The following SYT14 variants were observed in gnomAD, a reference collection of about 807,000 sequenced individuals.
SYT14 encodes the protein synaptotagmin 14.
In SYT14, 32 loss-of-function variants were observed where a neutral mutation model predicts 74.2. That is an observed-to-expected ratio of 0.43 (90% CI 0.33 to 0.58). The LOEUF is 0.58. Ranked by LOEUF, SYT14 falls within the 20% of genes least tolerant of loss-of-function variation. The probability of loss-of-function intolerance (pLI) is 0.05; values close to 1 mark genes in which losing one functional copy is unlikely to be tolerated. For missense variants in SYT14, 791 were observed against 981.8 expected, an observed-to-expected ratio of 0.81 and a Z score of 2.60; for synonymous variants, 298 against 337.7, an observed-to-expected ratio of 0.88 and a Z score of 1.29.
intron 7 of SYT14, among the ~76,000 whole-genome samples, chr1:210,119,875 G>C (rs1222508800): frequency 3.9e-5 from 6 of 152,206 alleles, no homozygotes; most frequent in African/African-American, 1.4e-4. Flanking sequence ...AGGTTGTGAA[G>C]ATTAAATGAG....
chr1:210,116,123 A>G (rs552832613), intron 7 of SYT14, among the ~76,000 whole-genome samples: 3,099 of 151,798 alleles, frequency 0.02, 101 homozygotes, highest in African/African-American at 0.071. Context: ...GGCAGGAACC[A>G]GCCATTTTCA....
At chr1:210,056,398 TA>T (rs958168760) in intron 5 of SYT14, among the ~76,000 whole-genome samples, 18 of 152,112 alleles carry the variant, frequency 1.2e-4, no homozygotes, top group African/African-American at 4.3e-4. Flanking sequence ...GGGTTTGTTC[TA>T]GGAGTAAGAT....
At chr1:209,963,259 GC>G (rs2079104758) in intron 2 of SYT14, among the ~76,000 whole-genome samples, 1 of 152,082 alleles carries the variant, frequency 6.6e-6, no homozygotes, top group South Asian at 2.1e-4. Context: ...GAGATGGATT[GC>G]TGAGATGGTC....
At chr1:210,038,592 G>A (rs1265981227) in intron 5 of SYT14, among the ~76,000 whole-genome samples, 5 of 152,174 alleles carry the variant, frequency 3.3e-5, no homozygotes, top group Admixed American at 6.5e-5. Flanking sequence ...ATTCCCTGGA[G>A]TATTTCTTAT....
chr1:210,162,306 A>T (rs2083388897), exon 10 of SYT14: 1 of 444,052 alleles, frequency 2.3e-6, no homozygotes, highest in Non-Finnish European at 4.5e-6. Context: ...TTCGATTTTT[A>T]TAAATGTAAA....
At chr1:210,084,261 A>G (rs573272289) in intron 5 of SYT14, among the ~76,000 whole-genome samples, 1 of 152,342 alleles carries the variant, frequency 6.6e-6, no homozygotes, top group South Asian at 2.1e-4. Flanking sequence ...ATATTAAAAT[A>G]TAGAATGTGC....
chr1:210,072,134 T>G (rs1572250137), intron 5 of SYT14, among the ~76,000 whole-genome samples: 1 of 112,118 alleles, frequency 8.9e-6, no homozygotes, highest in Admixed American at 7.7e-5. Flanking sequence ...TAATTAAAGA[T>G]ATATATATAT....
At chr1:210,028,718 A>C (rs2080465806) in intron 5 of SYT14, among the ~76,000 whole-genome samples, 1 of 152,210 alleles carries the variant, frequency 6.6e-6, no homozygotes, top group Non-Finnish European at 1.5e-5. Flanking sequence ...GTTGTGAATA[A>C]TGCTGCTATG....
intron 5 of SYT14, among the ~76,000 whole-genome samples, chr1:210,035,231 A>C (rs1572191302): frequency 6.6e-6 from 1 of 151,790 alleles, no homozygotes; most frequent in East Asian, 1.9e-4. Context: ...ATGTGTATTC[A>C]TTTCCTTTGC....
At chr1:210,013,603 G>A (rs751339346) in intron 2 of SYT14, 30 bp from the exon 3 acceptor site, 2 of 1,601,818 alleles carry the variant, frequency 1.2e-6, no homozygotes, top group Middle Eastern at 3.9e-4. Context: ...AAAAATAAAT[G>A]CTTACAGCTG....
chr1:210,089,204 T>A (rs1300352502), intron 5 of SYT14, among the ~76,000 whole-genome samples: 2 of 152,228 alleles, frequency 1.3e-5, no homozygotes, highest in Non-Finnish European at 2.9e-5. Flanking sequence ...GCAAAGGACA[T>A]GAACTCATCC....
chr1:210,052,422 G>A (rs2081014403), intron 5 of SYT14, among the ~76,000 whole-genome samples: 2 of 152,022 alleles, frequency 1.3e-5, no homozygotes, highest in Admixed American at 6.6e-5. Context: ...CAGCACCCTG[G>A]GAGGCCGAGG....
At chr1:210,012,603 A>C (rs1486903726) in intron 2 of SYT14, among the ~76,000 whole-genome samples, 6 of 152,336 alleles carry the variant, frequency 3.9e-5, no homozygotes, top group Admixed American at 3.9e-4. Context: ...TTACTAAGAA[A>C]GAGTGATTGA....
intron 5 of SYT14, among the ~76,000 whole-genome samples, chr1:210,082,519 C>T (rs951005519): frequency 6.6e-6 from 1 of 152,092 alleles, no homozygotes; most frequent in African/African-American, 2.4e-5. Flanking sequence ...TGATGTATTC[C>T]CCGTGAGACT....
At chr1:209,989,933 A>G (rs1335497578) in intron 2 of SYT14, among the ~76,000 whole-genome samples, 1 of 152,130 alleles carries the variant, frequency 6.6e-6, no homozygotes, top group Non-Finnish European at 1.5e-5. Context: ...AAATTCAGCT[A>G]TATATTGGTC....
At chr1:209,995,626 A>C (rs1435743732) in intron 2 of SYT14, among the ~76,000 whole-genome samples, 1 of 152,198 alleles carries the variant, frequency 6.6e-6, no homozygotes, top group African/African-American at 2.4e-5. Context: ...GCATTTGACC[A>C]ATTGGACCTC....
chr1:209,939,193 C>T (rs146764919), intron 1 of SYT14, among the ~76,000 whole-genome samples: 12 of 152,306 alleles, frequency 7.9e-5, no homozygotes, highest in African/African-American at 2.4e-4. Context: ...TGAAAGATTA[C>T]ATCTTCCAGG....
intron 2 of SYT14, among the ~76,000 whole-genome samples, chr1:210,009,654 C>G (rs1014256136): frequency 6.6e-6 from 1 of 151,622 alleles, no homozygotes; most frequent in Non-Finnish European, 1.5e-5. Context: ...ATAAGAGGAG[C>G]AAAAAAGAGG....
intron 4 of SYT14, 149 bp from the exon 4 acceptor site, chr1:210,020,890 T>G (rs2080287342): frequency 1.5e-6 from 1 of 657,910 alleles, no homozygotes; most frequent in East Asian, 2.7e-5. Flanking sequence ...TGTGCATATA[T>G]GTATATGTGT....
Sources: gnomAD v4.1 joint callset for allele counts (sites outside exome capture counted in the v4.1 genomes callset) on GRCh38, gnomAD v4.1.1 for gene constraint, MANE v1.5 for transcripts, NCBI Gene and HGNC (gene_info 2026-07-23, HGNC 2026-07-21) for gene names.